Variants in RORA observed in about 807,000 individuals in gnomAD.
RORA encodes RAR related orphan receptor A, also known as nuclear receptor ROR-alpha.
In RORA, 7 loss-of-function variants were observed where a neutral mutation model predicts 69.5. The ratio of observed to expected loss-of-function variants is 0.10; its 90% CI spans 0.06 to 0.19. The LOEUF is 0.19. Ranked by LOEUF, RORA falls within the 10% of genes least tolerant of loss-of-function variation. The pLI is 1.00. For synonymous variants in RORA, 261 were observed against 240.8 expected (o/e 1.08, Z -0.78); for missense variants, 457 against 663.0 (o/e 0.69, Z 3.41).
chr15:60,946,927 C>A (rs1343358658), intron 1 of RORA, among the ~76,000 whole-genome samples: 1 of 152,036 alleles, frequency 6.6e-6, no homozygotes, highest in African/African-American at 2.4e-5. Context: ...CCGACCCCGT[C>A]TGGGAGGTGA....
At chr15:60,654,338 T>C (rs751053646) in intron 2 of RORA, among the ~76,000 whole-genome samples, 1 of 152,180 alleles carries the variant, frequency 6.6e-6, no homozygotes, top group Non-Finnish European at 1.5e-5. Context: ...CAAACATTTT[T>C]CCCATATTTC....
intron 2 of RORA, among the ~76,000 whole-genome samples, chr15:60,558,939 A>G (rs2067451857): frequency 6.6e-6 from 1 of 152,194 alleles, no homozygotes; most frequent in Admixed American, 6.5e-5. Flanking sequence ...AAAGTGTGCA[A>G]TATTTAGAGT....
At chr15:61,151,119 C>A (rs1420055385) in intron 1 of RORA, among the ~76,000 whole-genome samples, 4 of 152,022 alleles carry the variant, frequency 2.6e-5, no homozygotes, top group Admixed American at 2.0e-4. Flanking sequence ...TACTCTATGC[C>A]CAATGTAGCC....
intron 2 of RORA, among the ~76,000 whole-genome samples, chr15:60,628,245 A>T (rs1429996316): frequency 6.6e-6 from 1 of 152,082 alleles, no homozygotes; most frequent in Non-Finnish European, 1.5e-5. Context: ...AGTTTCTCGA[A>T]CTTTCCTTGT....
chr15:60,869,362 T>C (rs28640948), intron 1 of RORA, among the ~76,000 whole-genome samples: 1,742 of 152,304 alleles, frequency 0.011, 44 homozygotes, highest in African/African-American at 0.037. Flanking sequence ...TTACAGAGGT[T>C]GGGACTATAG....
chr15:61,031,859 T>C (rs1006767234), intron 1 of RORA, among the ~76,000 whole-genome samples: 9 of 152,198 alleles, frequency 5.9e-5, no homozygotes, highest in Admixed American at 1.3e-4. Flanking sequence ...CAAAAGACTA[T>C]ATATAGAAGT....
intron 1 of RORA, among the ~76,000 whole-genome samples, chr15:60,724,939 G>A (rs2071338387): frequency 6.6e-6 from 1 of 152,164 alleles, no homozygotes; most frequent in Non-Finnish European, 1.5e-5. Context: ...TAGCTCTGTA[G>A]CTTCATCTGC....
chr15:60,915,529 C>T (rs903390888), intron 1 of RORA, among the ~76,000 whole-genome samples: 5 of 152,166 alleles, frequency 3.3e-5, no homozygotes, highest in East Asian at 1.9e-4. Context: ...CATGGTGGCG[C>T]GAATACTCTA....
intron 1 of RORA, among the ~76,000 whole-genome samples, chr15:61,146,486 A>G (rs1816627): frequency 1.0e-4 from 15 of 147,140 alleles, no homozygotes; most frequent in African/African-American, 1.6e-4. Flanking sequence ...ACACACACGC[A>G]CACACAGCAA....
At chr15:61,138,235 T>TA (rs2079263235) in intron 1 of RORA, among the ~76,000 whole-genome samples, 1 of 152,330 alleles carries the variant, frequency 6.6e-6, no homozygotes, top group Admixed American at 6.5e-5. Context: ...GTTTTTAAAT[T>TA]AAACAACATG....
At chr15:61,159,877 G>A (rs768978087) in intron 1 of RORA, among the ~76,000 whole-genome samples, 1 of 152,278 alleles carries the variant, frequency 6.6e-6, no homozygotes, top group South Asian at 2.1e-4. Flanking sequence ...TATGTGTACT[G>A]AGAATTTTCA....
chr15:60,825,689 C>T (rs984948742), intron 1 of RORA, among the ~76,000 whole-genome samples: 1 of 152,198 alleles, frequency 6.6e-6, no homozygotes, highest in African/African-American at 2.4e-5. Flanking sequence ...CGAACTGGTA[C>T]CCCAGCAGCC....
chr15:60,917,789 C>T (rs926498262), intron 1 of RORA, among the ~76,000 whole-genome samples: 5 of 152,164 alleles, frequency 3.3e-5, no homozygotes, highest in Admixed American at 1.3e-4. Flanking sequence ...AAGCATCGGC[C>T]CTTATTTCCT....
intron 1 of RORA, among the ~76,000 whole-genome samples, chr15:60,810,612 T>A (rs566889731): frequency 1.5e-4 from 23 of 152,314 alleles, no homozygotes; most frequent in Middle Eastern, 3.4e-3. Context: ...CATTATTATT[T>A]TTGAGTATTC....
chr15:60,759,697 C>T (rs2071856995), intron 1 of RORA, among the ~76,000 whole-genome samples: 1 of 152,144 alleles, frequency 6.6e-6, no homozygotes, highest in Non-Finnish European at 1.5e-5. Context: ...GGGTGGGCCT[C>T]AAAGAAGTGC....
At chr15:60,796,887 A>C (rs1344262261) in intron 1 of RORA, among the ~76,000 whole-genome samples, 1 of 151,972 alleles carries the variant, frequency 6.6e-6, no homozygotes, top group East Asian at 1.9e-4. Flanking sequence ...TACAGGCTAC[A>C]TCCTGGATGA....
intron 1 of RORA, among the ~76,000 whole-genome samples, chr15:60,980,285 T>G (rs915522635): frequency 2.0e-5 from 3 of 152,168 alleles, no homozygotes; most frequent in Non-Finnish European, 4.4e-5. Context: ...TGTTTGCTAG[T>G]ATTTTGTTGA....
intron 2 of RORA, among the ~76,000 whole-genome samples, chr15:60,590,329 G>A (rs777328849): frequency 6.6e-6 from 1 of 152,166 alleles, no homozygotes; most frequent in Non-Finnish European, 1.5e-5. Flanking sequence ...GGTAGCGTGT[G>A]TGATTCTTAT....
rs533587152 is a variant in RORA at position 60,817,403 on chromosome 15, T to C, written c.167-138717A>G. 2.0e-5 allele frequency among the ~76,000 whole-genome samples: 3 copies of C among 152,356 alleles called. No homozygotes were observed. In the South Asian group the frequency reaches 6.2e-4, roughly 32 times the overall value. ...TTTTGGAAAAATGGTGCTGACAGACTTCATCGAGGCAGGCTTGCAACAAAC... is the reference window on the plus strand; with the variant it reads ...TTTTGGAAAAATGGTGCTGACAGACCTCATCGAGGCAGGCTTGCAACAAAC... On this transcript the variant is annotated intron_variant, in intron 1 of 10. Coordinates refer to ENST00000335670, the MANE Select transcript of RORA (RefSeq NM_134261.3).
Sources: gnomAD v4.1 joint callset for allele counts (sites outside exome capture counted in the v4.1 genomes callset) on GRCh38, gnomAD v4.1.1 for gene constraint, MANE v1.5 for transcripts, NCBI Gene and HGNC (gene_info 2026-07-23, HGNC 2026-07-21) for gene names.